WDHD1: variants seen among roughly 807,000 people sequenced by gnomAD.
WDHD1 encodes the protein WD repeat and HMG-box DNA-binding protein 1.
A neutral mutation model predicts 135.4 loss-of-function variants in WDHD1; 111 were observed. The observed-to-expected ratio is 0.82, with a 90% CI of 0.70 to 0.96. WDHD1 has a LOEUF of 0.96. WDHD1 is among the 40% of genes least tolerant of loss of function. WDHD1 has a pLI of 0.00. For missense variants in WDHD1, 1,351 were observed against 1,336.3 expected, an observed-to-expected ratio of 1.01 and a Z score of -0.17; for synonymous variants, 434 against 439.0, an observed-to-expected ratio of 0.99 and a Z score of 0.14.
At position 54,940,318 on chromosome 14, in the gene WDHD1, T is replaced by C. The variant is rs768514299; in HGVS notation, c.*1172A>G. 2.6e-5 allele frequency: 4 copies of C among 152,198 alleles called. No homozygotes were observed. The highest frequency in any genetic ancestry group is 5.9e-5 in the Non-Finnish European group (4 of 68,042). 9.4% of individuals were successfully genotyped at this position (152,198 alleles called of 1,614,324 possible). A position where few individuals can be genotyped will look rare whatever the true frequency, so the allele number is the denominator to read the frequency against. On this transcript the variant is annotated 3_prime_UTR_variant, in exon 26 of 26. Transcript: ENST00000360586. ...TTGGAATCTGTGCTCATAACCACTG[T>C]GCTATAATGTCTCTGATAGCAGCTA...
chr14:54,971,569 A>T (rs1456218834), intron 16 of WDHD1, among the ~76,000 whole-genome samples: 1 of 152,104 alleles, frequency 6.6e-6, no homozygotes, highest in African/African-American at 2.4e-5. Flanking sequence ...CTGTTGAAAG[A>T]AACCATAGAT....
intron 24 of WDHD1, among the ~76,000 whole-genome samples, chr14:54,954,884 C>G (rs1182272184): frequency 6.6e-6 from 1 of 152,084 alleles, no homozygotes; most frequent in Non-Finnish European, 1.5e-5. Context: ...CATGTGCCAC[C>G]AAGCCTGGCT....
intron 8 of WDHD1, among the ~76,000 whole-genome samples, chr14:55,001,706 T>C (rs1034202254): frequency 3.3e-5 from 5 of 152,254 alleles, no homozygotes; most frequent in Non-Finnish European, 5.9e-5. Context: ...GCTGACCTAC[T>C]GGGCTTATGT....
chr14:54,946,511 G>T (rs2040927963), intron 24 of WDHD1, among the ~76,000 whole-genome samples: 1 of 152,050 alleles, frequency 6.6e-6, no homozygotes, highest in Admixed American at 6.6e-5. Context: ...TAAGAGAAAG[G>T]GTCTTGCTTT....
In WDHD1 at chr14:55,000,583, T is replaced by C; in HGVS notation, c.862A>G (p.Ile288Val). Residue 288 changes from isoleucine to valine, a missense_variant, in exon 10 of 26, where the codon ATA becomes GTA. By Grantham distance (29) the Ile-to-Val change is conservative. Around this residue, in one of 2 missense-constraint regions of WDHD1, gnomAD observed 1,330 missense variants for 1,296.1 expected, o/e 1.03. Transcript: ENST00000360586. ...GLAWHPTCGR[I>V]SYTDAEGNLG... ...TTTCCTTCCGCATCAGTATACGATA[T>C]TCGACCACAAGTAGGATGCCATGCC... is the stretch of plus-strand genomic sequence containing the variant. The C allele has an allele frequency of 6.2e-7, 1 of 1,607,340 alleles. No individual in the cohort carries two copies. Among genetic ancestry groups the C allele is most frequent in the Non-Finnish European group, 8.5e-7 (1 of 1,176,584 alleles).
chr14:54,994,280 T>G (rs1305218037), intron 11 of WDHD1, among the ~76,000 whole-genome samples: 1 of 152,212 alleles, frequency 6.6e-6, no homozygotes, highest in Non-Finnish European at 1.5e-5. Flanking sequence ...TTCAGAAAAT[T>G]CGTCTATTTC....
chr14:54,994,859 T>G (rs947930439), intron 11 of WDHD1, among the ~76,000 whole-genome samples: 1 of 152,170 alleles, frequency 6.6e-6, no homozygotes, highest in South Asian at 2.1e-4. Flanking sequence ...GTGGCTACTA[T>G]ATATTGGATA....
intron 10 of WDHD1, among the ~76,000 whole-genome samples, chr14:54,997,396 C>A (rs1210585792): frequency 6.6e-6 from 1 of 152,006 alleles, no homozygotes; most frequent in Admixed American, 6.6e-5. Context: ...GTACCCAGAC[C>A]CTCATAAACC....
At chr14:55,024,291 C>T (rs567061212) in intron 2 of WDHD1, among the ~76,000 whole-genome samples, 26 of 152,300 alleles carry the variant, frequency 1.7e-4, no homozygotes, top group Admixed American at 3.9e-4. Context: ...CACATCCAAA[C>T]GCAAACTCAA....
chr14:54,951,065 C>A (rs2041042952), intron 24 of WDHD1, among the ~76,000 whole-genome samples: 2 of 151,994 alleles, frequency 1.3e-5, no homozygotes, highest in Admixed American at 6.6e-5. Flanking sequence ...AAAATTGACA[C>A]CCTAACATCA....
At chr14:54,941,847 CT>C (rs2040843997) in intron 25 of WDHD1, among the ~76,000 whole-genome samples, 157 bp from the exon 26 acceptor site, 2 of 152,172 alleles carry the variant, frequency 1.3e-5, no homozygotes, top group Non-Finnish European at 2.9e-5. Context: ...TCTTTTATTA[CT>C]TAAATGCAGA....
Position 54,941,341 on chromosome 14 carries a change from A to G in WDHD1, c.*149T>C. The G allele has an allele frequency of 1.6e-6, 1 of 623,410 alleles. No homozygotes were observed. The highest frequency in any genetic ancestry group is 2.6e-6 in the Non-Finnish European group (1 of 391,096). The allele number at this position is 623,410 out of a possible 1,614,324, so 38.6% of individuals were successfully genotyped here. On this transcript the variant is annotated 3_prime_UTR_variant, in exon 26 of 26. Transcript: ENST00000360586. ...TTACATATGTCCTGTTACCTACACC[A>G]ATATAATTACTACATTATCTTATAA... is the stretch of plus-strand genomic sequence containing the variant.
intron 2 of WDHD1, 78 bp downstream of exon 2, chr14:55,026,633 A>C: frequency 7.2e-7 from 1 of 1,384,760 alleles, no homozygotes; most frequent in Non-Finnish European, 1.0e-6. Context: ...AGTCATTTTT[A>C]GCTGACTGCA....
intron 23 of WDHD1, among the ~76,000 whole-genome samples, chr14:54,955,895 C>CTTTTTTT (rs71131243): frequency 9.1e-6 from 1 of 110,096 alleles, no homozygotes; most frequent in Non-Finnish European, 1.8e-5. Flanking sequence ...CCATGTTTTC[C>CTTTTTTT]TTTTTTTTTT....
rs1054664429 is a variant in WDHD1, at chr14:55,004,742, C to T, written c.600+2538G>A. Reference sequence around the variant, plus strand: ...TGCTGGGATTATGGGCGTGAGCCAGCGAGCCCGACCCAATGTTTATTTTTC... The same window carrying T: ...TGCTGGGATTATGGGCGTGAGCCAGTGAGCCCGACCCAATGTTTATTTTTC... On this transcript the variant is annotated intron_variant, in intron 7 of 25. Transcript: ENST00000360586. 2.9e-5 allele frequency: 11 copies of T among 373,722 alleles called. No individual in the cohort carries two copies. In the East Asian group the frequency reaches 7.2e-4, roughly 24 times the overall value. The allele number at this position is 373,722 out of a possible 1,614,324, so 23.2% of individuals were successfully genotyped here.
At chr14:54,966,340 A>C (rs373259564) in intron 18 of WDHD1, 135 bp downstream of exon 18, 14 of 1,033,060 alleles carry the variant, frequency 1.4e-5, no homozygotes, top group East Asian at 6.3e-5. Context: ...GTCGCACAAA[A>C]AACAACAACA....
In WDHD1 at chr14:54,940,794, T is replaced by C. The variant is rs2040825973; in HGVS notation, c.*696A>G. ...CTACTGTGTATAATGCAGAGCAAAA[T>C]GGGGGTGGTGGTAGAAATTATGGTA... is the stretch of plus-strand genomic sequence containing the variant. On this transcript the variant is annotated 3_prime_UTR_variant, in exon 26 of 26. Coordinates refer to ENST00000360586, the MANE Select transcript of WDHD1 (RefSeq NM_007086.4). 1 of 151,938 alleles carries C rather than the reference T, an allele frequency of 6.6e-6. No homozygotes were observed. The highest frequency in any genetic ancestry group is 2.1e-4 in the South Asian group (1 of 4,812). The allele number at this position is 151,938 out of a possible 1,614,324, so 9.4% of individuals were successfully genotyped here.
chr14:55,002,146 T>G lies in WDHD1; in HGVS notation c.640A>C (p.Arg214=). Residue 214 remains arginine (R), a synonymous_variant, in exon 8 of 26, where the codon AGA becomes CGA. Transcript: ENST00000360586. ...IPVEKSVKLY[R]RESWSHQFDL... is the part of the protein sequence containing the mutation. Reference sequence around the variant, plus strand: ...AATTGATGACTCCAAGATTCTCTTCTATATAGCTTAACAGATTTTTCCACA... The same window carrying G: ...AATTGATGACTCCAAGATTCTCTTCGATATAGCTTAACAGATTTTTCCACA... 1 of 1,606,036 alleles carries G rather than the reference T, an allele frequency of 6.2e-7. No homozygotes were observed. The highest frequency in any genetic ancestry group is 8.5e-7 in the Non-Finnish European group (1 of 1,177,778).
At position 55,013,476 on chromosome 14, in the gene WDHD1, T is replaced by A; in HGVS notation, c.189+9A>T. 3 of 1,594,536 alleles carry A rather than the reference T, an allele frequency of 1.9e-6. No homozygotes were observed. Among genetic ancestry groups the A allele is most frequent in the Non-Finnish European group, 2.6e-6 (3 of 1,162,442 alleles). On this transcript the variant is annotated intron_variant, in intron 3 of 25. Coordinates refer to ENST00000360586, the MANE Select transcript of WDHD1 (RefSeq NM_007086.4). ...ATTTCATATCAATTGATATAACTGT[T>A]TTTACTACCTTCAAAGCACATGAAT...
Sources: allele counts gnomAD v4.1 joint callset (sites outside exome capture counted in the v4.1 genomes callset), GRCh38; gene constraint gnomAD v4.1.1; regional missense constraint gnomAD v4.1.1; transcripts MANE v1.5; gene names NCBI Gene and HGNC (gene_info 2026-07-23, HGNC 2026-07-21).